The following ZNF385D variants were observed in gnomAD, a reference collection of about 807,000 sequenced individuals.
ZNF385D encodes zinc finger protein 385D, also known as zinc finger protein 659.
Under a neutral mutation model 35.8 loss-of-function variants are expected in ZNF385D, and 15 were observed. That is an observed-to-expected ratio of 0.42 (90% confidence interval 0.28 to 0.64). ZNF385D has a LOEUF of 0.64. ZNF385D is among the 30% of genes least tolerant of loss of function. The pLI is 0.23. For missense variants in ZNF385D, 474 were observed against 494.6 expected (o/e 0.96, Z 0.39); for synonymous variants, 212 against 186.8 (o/e 1.13, Z -1.10).
intron 3 of ZNF385D, chr3:21,563,301 C>T (rs1420622531): frequency 6.6e-6 from 1 of 152,474 alleles, no homozygotes; most frequent in Non-Finnish European, 1.5e-5. Context: ...TTGGACTTCT[C>T]AGCCTCCGGA....
At chr3:22,246,557 A>G (rs1699793547) in intron 2 of ZNF385D, among the ~76,000 whole-genome samples, 1 of 152,152 alleles carries the variant, frequency 6.6e-6, no homozygotes, top group Admixed American at 6.6e-5. Flanking sequence ...CCTAGACCTG[A>G]CTTTGCTATA....
intron 5 of ZNF385D, among the ~76,000 whole-genome samples, chr3:21,431,604 G>A (rs928028817): frequency 6.6e-6 from 1 of 152,098 alleles, no homozygotes. Flanking sequence ...AGATAGTACA[G>A]CTCCAATATT....
chr3:21,730,776 A>G (rs993007144), intron 1 of ZNF385D, among the ~76,000 whole-genome samples: 1 of 152,146 alleles, frequency 6.6e-6, no homozygotes, highest in African/African-American at 2.4e-5. Flanking sequence ...TCCCCAGAGG[A>G]TTCTTTTTAT....
At chr3:21,959,501 C>T (rs1420450764) in intron 3 of ZNF385D, among the ~76,000 whole-genome samples, 1 of 152,168 alleles carries the variant, frequency 6.6e-6, no homozygotes, top group Non-Finnish European at 1.5e-5. Context: ...TCAACACATT[C>T]ATTTCAAATT....
intron 4 of ZNF385D, among the ~76,000 whole-genome samples, chr3:21,503,137 A>G (rs1330604760): frequency 6.6e-6 from 1 of 152,192 alleles, no homozygotes; most frequent in Non-Finnish European, 1.5e-5. Flanking sequence ...ATAACCCACA[A>G]AAGCATTTGT....
At chr3:22,263,730 AG>A (rs762546620) in intron 2 of ZNF385D, among the ~76,000 whole-genome samples, 29 of 152,002 alleles carry the variant, frequency 1.9e-4, no homozygotes, top group Non-Finnish European at 3.8e-4. Flanking sequence ...ATTCTCAACC[AG>A]GGGCAGTTTT....
chr3:21,898,138 T>C (rs1259082941), intron 3 of ZNF385D, among the ~76,000 whole-genome samples: 1 of 152,168 alleles, frequency 6.6e-6, no homozygotes, highest in East Asian at 1.9e-4. Context: ...ATTTAAGTAT[T>C]ACTTTTGAGG....
chr3:22,189,246 A>G (rs1695855244), intron 2 of ZNF385D, among the ~76,000 whole-genome samples: 1 of 152,156 alleles, frequency 6.6e-6, no homozygotes, highest in African/African-American at 2.4e-5. Context: ...GACCTATGGC[A>G]TAAACTGCAA....
intron 3 of ZNF385D, among the ~76,000 whole-genome samples, chr3:21,909,776 A>G (rs17010078): frequency 0.049 from 7,427 of 152,080 alleles, 738 homozygotes; most frequent in Admixed American, 0.23. Flanking sequence ...CTTAAATTTA[A>G]CGAGTTTCCG....
chr3:22,297,836 T>C (rs187648070), intron 2 of ZNF385D, among the ~76,000 whole-genome samples: 140 of 152,188 alleles, frequency 9.2e-4, no homozygotes, highest in African/African-American at 3.2e-3. Context: ...GCAAATGATA[T>C]TGGGTTACAT....
At chr3:21,595,925 ATG>A (rs1253334744) in intron 2 of ZNF385D, among the ~76,000 whole-genome samples, 1 of 152,220 alleles carries the variant, frequency 6.6e-6, no homozygotes, top group Non-Finnish European at 1.5e-5. Context: ...CTTCATTTCT[ATG>A]TGGTTTTCTA....
At chr3:21,614,285 T>C (rs139172857) in intron 2 of ZNF385D, among the ~76,000 whole-genome samples, 2 of 152,200 alleles carry the variant, frequency 1.3e-5, no homozygotes, top group African/African-American at 4.8e-5. Flanking sequence ...TGTTCAGGAG[T>C]CAAGAGACTC....
At chr3:21,499,013 C>G (rs923199659) in intron 4 of ZNF385D, among the ~76,000 whole-genome samples, 14 of 146,922 alleles carry the variant, frequency 9.5e-5, no homozygotes, top group African/African-American at 3.5e-4. Context: ...GAGAAAAACA[C>G]TTATATACTG....
chr3:22,107,786 A>G (rs1326998187), intron 3 of ZNF385D, among the ~76,000 whole-genome samples: 3 of 151,920 alleles, frequency 2.0e-5, no homozygotes, highest in South Asian at 2.1e-4. Context: ...ATCCATATGT[A>G]GTGTGGTATT....
At chr3:21,945,082 C>G (rs138808997) in intron 3 of ZNF385D, among the ~76,000 whole-genome samples, 37 of 151,676 alleles carry the variant, frequency 2.4e-4, no homozygotes, top group African/African-American at 8.7e-4. Flanking sequence ...CGTATATTCA[C>G]TGACTATATT....
At chr3:22,139,770 CA>C (rs201133980) in intron 3 of ZNF385D, among the ~76,000 whole-genome samples, 2 of 150,590 alleles carry the variant, frequency 1.3e-5, no homozygotes, top group African/African-American at 2.4e-5. Flanking sequence ...TATAATAAAA[CA>C]AAAAAAAGAA....
intron 3 of ZNF385D, among the ~76,000 whole-genome samples, chr3:21,797,231 A>T (rs2072194457): frequency 6.6e-6 from 1 of 152,210 alleles, no homozygotes; most frequent in Non-Finnish European, 1.5e-5. Flanking sequence ...GCCAATGAAA[A>T]GATTCTTCAC....
At chr3:21,447,622 G>T (rs1043867373) in intron 4 of ZNF385D, among the ~76,000 whole-genome samples, 1 of 152,168 alleles carries the variant, frequency 6.6e-6, no homozygotes, top group Non-Finnish European at 1.5e-5. Flanking sequence ...GGTTTGTCAT[G>T]TGTCCTTACT....
At chr3:21,540,602 A>G (rs2062149871) in intron 3 of ZNF385D, among the ~76,000 whole-genome samples, 1 of 152,222 alleles carries the variant, frequency 6.6e-6, no homozygotes, top group African/African-American at 2.4e-5. Context: ...TTATTTATAA[A>G]GGAATCTAAG....
Sources: allele counts gnomAD v4.1 joint callset (sites outside exome capture counted in the v4.1 genomes callset), GRCh38; gene constraint gnomAD v4.1.1; transcripts MANE v1.5; gene names NCBI Gene and HGNC (gene_info 2026-07-23, HGNC 2026-07-21).